Variants in EYA1 observed in about 807,000 individuals in gnomAD.
The protein encoded by EYA1 is protein phosphatase EYA1.
Under a neutral mutation model 82.0 loss-of-function variants are expected in EYA1, and 16 were observed. The observed-to-expected ratio is 0.20, with a 90% CI of 0.13 to 0.30. The LOEUF (loss-of-function observed/expected upper bound fraction) is 0.30, where lower values mean the gene tolerates loss of function less well. EYA1 is among the 10% of genes least tolerant of loss of function. EYA1 has a pLI of 1.00. For missense variants in EYA1, 633 were observed against 730.7 expected, an observed-to-expected ratio of 0.87 and a Z score of 1.54; for synonymous variants, 261 against 264.4, an observed-to-expected ratio of 0.99 and a Z score of 0.12.
upstream of EYA1, among the ~76,000 whole-genome samples, chr8:71,367,034 A>G (rs1304214552): frequency 1.3e-5 from 2 of 152,326 alleles, no homozygotes; most frequent in Admixed American, 1.3e-4. Flanking sequence ...TGCAAAAATA[A>G]AAGTACATTA....
intron 8 of EYA1, 95 bp downstream of exon 8, chr8:71,299,543 A>G: frequency 1.2e-6 from 1 of 825,958 alleles, no homozygotes; most frequent in South Asian, 1.4e-5. Context: ...AAGCCTTAGG[A>G]AAGCTCTCAC....
intron 12 of EYA1, among the ~76,000 whole-genome samples, chr8:71,240,771 G>A (rs967974043): frequency 1.3e-5 from 2 of 152,140 alleles, no homozygotes; most frequent in Non-Finnish European, 2.9e-5. Flanking sequence ...TCTTCTAACT[G>A]TGGAAAAATC....
intron 2 of EYA1, among the ~76,000 whole-genome samples, chr8:71,376,015 T>C (rs1341236587): frequency 6.6e-6 from 1 of 152,256 alleles, no homozygotes; most frequent in Non-Finnish European, 1.5e-5. Flanking sequence ...TTTCTGCTCC[T>C]ATGTATGGTG....
intron 3 of EYA1, among the ~76,000 whole-genome samples, chr8:71,346,978 C>T (rs987954490): frequency 2.6e-5 from 4 of 152,210 alleles, no homozygotes; most frequent in African/African-American, 7.2e-5. Context: ...AGAGTGAACA[C>T]TTGTGTCCCT....
At chr8:71,329,654 T>C (rs899835311) in intron 4 of EYA1, among the ~76,000 whole-genome samples, 6 of 152,202 alleles carry the variant, frequency 3.9e-5, no homozygotes, top group African/African-American at 1.4e-4. Context: ...CGTTCATTCA[T>C]GTTTTCTTTA....
At chr8:71,313,965 T>G (rs1447947429) in intron 7 of EYA1, among the ~76,000 whole-genome samples, 2 of 152,184 alleles carry the variant, frequency 1.3e-5, no homozygotes, top group Non-Finnish European at 2.9e-5. Context: ...TTTGAACAGG[T>G]AAATCTCTGA....
chr8:71,394,347 T>C (rs1829458093), intron 2 of EYA1, among the ~76,000 whole-genome samples: 1 of 152,232 alleles, frequency 6.6e-6, no homozygotes, highest in Non-Finnish European at 1.5e-5. Flanking sequence ...TTTGGTGTTT[T>C]AGTCATGAAG....
intron 2 of EYA1, among the ~76,000 whole-genome samples, chr8:71,522,615 C>T (rs999140986): frequency 1.4e-5 from 2 of 146,332 alleles, no homozygotes; most frequent in East Asian, 3.9e-4. Context: ...GCTATCAATA[C>T]AAACTTTTTT....
chr8:71,303,093 C>A (rs1019751840), intron 7 of EYA1, among the ~76,000 whole-genome samples: 1 of 142,270 alleles, frequency 7.0e-6, no homozygotes, highest in African/African-American at 2.5e-5. Flanking sequence ...TTACTCCTTA[C>A]AGCTCCTACT....
At chr8:71,223,022 T>A (rs544493079) in intron 12 of EYA1, among the ~76,000 whole-genome samples, 1 of 152,282 alleles carries the variant, frequency 6.6e-6, no homozygotes, top group African/African-American at 2.4e-5. Context: ...ACGCTTCATG[T>A]CATCAGCAGG....
At chr8:71,466,984 T>C (rs182175017) in intron 2 of EYA1, among the ~76,000 whole-genome samples, 4 of 152,224 alleles carry the variant, frequency 2.6e-5, no homozygotes, top group Admixed American at 2.0e-4. Context: ...ATAATATTTA[T>C]TTCCATCATC....
At chr8:71,395,360 G>T (rs941852573) in intron 2 of EYA1, among the ~76,000 whole-genome samples, 78 of 146,324 alleles carry the variant, frequency 5.3e-4, no homozygotes, top group African/African-American at 1.6e-3. Context: ...GGGCATCCCT[G>T]TCTTGTGCCA....
At chr8:71,526,875 G>A (rs1394094458) in intron 2 of EYA1, among the ~76,000 whole-genome samples, 1 of 152,190 alleles carries the variant, frequency 6.6e-6, no homozygotes, top group Non-Finnish European at 1.5e-5. Flanking sequence ...CTCTTAAAGG[G>A]AGGAGTATCA....
intron 16 of EYA1, among the ~76,000 whole-genome samples, chr8:71,212,431 G>T (rs925172437): frequency 6.6e-6 from 1 of 152,180 alleles, no homozygotes; most frequent in Non-Finnish European, 1.5e-5. Context: ...AAACTTCGAT[G>T]TCATGAAAGT....
At chr8:71,345,977 T>C (rs1218749017) in intron 3 of EYA1, among the ~76,000 whole-genome samples, 1 of 152,050 alleles carries the variant, frequency 6.6e-6, no homozygotes, top group Admixed American at 6.6e-5. Flanking sequence ...CTCCTCATCT[T>C]ACACATACAC....
At chr8:71,338,808 G>A (rs1824795080) in intron 3 of EYA1, among the ~76,000 whole-genome samples, 1 of 152,342 alleles carries the variant, frequency 6.6e-6, no homozygotes, top group African/African-American at 2.4e-5. Context: ...GCGCAGGGAA[G>A]GCAGCAGCCT....
intron 16 of EYA1, among the ~76,000 whole-genome samples, chr8:71,212,514 T>G (rs949508765): frequency 6.6e-6 from 1 of 152,162 alleles, no homozygotes; most frequent in African/African-American, 2.4e-5. Context: ...GGAAGGTAAA[T>G]TCAATGTAAT....
intron 4 of EYA1, among the ~76,000 whole-genome samples, chr8:71,332,971 C>T (rs569797587): frequency 6.6e-6 from 1 of 152,296 alleles, no homozygotes; most frequent in Admixed American, 6.5e-5. Flanking sequence ...TCCCTGATCA[C>T]CCCACCCCAA....
intron 2 of EYA1, among the ~76,000 whole-genome samples, chr8:71,457,040 C>G (rs1807982894): frequency 6.6e-6 from 1 of 152,068 alleles, no homozygotes; most frequent in Non-Finnish European, 1.5e-5. Context: ...CCAGAATCTA[C>G]AAAGAACTCA....
Sources: gnomAD v4.1 joint callset for allele counts (sites outside exome capture counted in the v4.1 genomes callset) on GRCh38, gnomAD v4.1.1 for gene constraint, MANE v1.5 for transcripts, NCBI Gene and HGNC (gene_info 2026-07-23, HGNC 2026-07-21) for gene names.